The following JHY variants were observed in gnomAD, a reference collection of about 807,000 sequenced individuals.
JHY encodes the protein jhy protein homolog.
Under a neutral mutation model 78.0 loss-of-function variants are expected in JHY, and 69 were observed. The observed-to-expected ratio is 0.88, with a 90% CI of 0.73 to 1.08. JHY has a LOEUF of 1.08. JHY is among the 50% of genes least tolerant of loss of function. The probability of loss-of-function intolerance (pLI) is 0.00; values close to 1 mark genes in which losing one functional copy is unlikely to be tolerated. For synonymous variants in JHY, 368 were observed against 342.6 expected, an observed-to-expected ratio of 1.07 and a Z score of -0.82; for missense variants, 944 against 927.8, an observed-to-expected ratio of 1.02 and a Z score of -0.23.
intron 3 of JHY, among the ~76,000 whole-genome samples, chr11:122,906,808 T>C (rs547947007): frequency 6.6e-5 from 10 of 152,192 alleles, no homozygotes; most frequent in Non-Finnish European, 1.3e-4. Context: ...CTTTTCTTTG[T>C]GCCATGGAGG....
chr11:122,893,612 TA>T (rs1862672276), intron 2 of JHY, among the ~76,000 whole-genome samples: 2 of 152,232 alleles, frequency 1.3e-5, no homozygotes, highest in Admixed American at 6.5e-5. Context: ...AAGAAGATCA[TA>T]ATGAAATGAC....
At chr11:122,889,695 A>G (rs1269381780) in intron 2 of JHY, among the ~76,000 whole-genome samples, 1 of 152,126 alleles carries the variant, frequency 6.6e-6, no homozygotes. Context: ...ATAGTATTCT[A>G]GTATCTGGAG....
chr11:122,895,906 T>C (rs573257678), intron 2 of JHY, among the ~76,000 whole-genome samples: 1 of 152,316 alleles, frequency 6.6e-6, no homozygotes, highest in African/African-American at 2.4e-5. Context: ...TTTGTTCCTG[T>C]GAAGTATTAC....
At chr11:122,921,186 C>A (rs1863356954) in intron 3 of JHY, among the ~76,000 whole-genome samples, 1 of 152,096 alleles carries the variant, frequency 6.6e-6, no homozygotes, top group Admixed American at 6.5e-5. Context: ...TAATGTATAT[C>A]CTACATTTTC....
rs574432087 is a variant in JHY at position 122,935,211 on chromosome 11, T to C, written c.1634+136T>C. ...AGAAGAGTTCACCTAACAACTTCCT[T>C]AGCTCTGATTCCTGCCTCAAAGAGT... On this transcript the variant is annotated intron_variant, in intron 5 of 8. Coordinates refer to ENST00000227349, the MANE Select transcript of JHY (RefSeq NM_024806.4). The surrounding 1 kb of genome is among the most constrained non-coding windows in gnomAD (Gnocchi z 4.5). The C allele has an allele frequency of 7.1e-6, 5 of 706,144 alleles. No individual in the cohort carries two copies. Among genetic ancestry groups the C allele is most frequent in the African/African-American group, 1.8e-5 (1 of 55,244 alleles). 43.7% of individuals were successfully genotyped at this position (706,144 alleles called of 1,614,324 possible).
At chr11:122,901,577 T>TA (rs34669210) in intron 2 of JHY, among the ~76,000 whole-genome samples, 66,117 of 151,852 alleles carry the variant, frequency 0.44, 16,479 homozygotes, top group Middle Eastern at 0.6. Flanking sequence ...TTTTTTCTAT[T>TA]AAAAAATTTT....
chr11:122,897,576 C>T (rs1459223706), intron 2 of JHY, among the ~76,000 whole-genome samples: 1 of 152,222 alleles, frequency 6.6e-6, no homozygotes, highest in African/African-American at 2.4e-5. Context: ...AACTGAAGCA[C>T]AGAAGTTAAA....
intron 3 of JHY, chr11:122,905,680 C>A: frequency 1.3e-6 from 1 of 763,098 alleles, no homozygotes. Flanking sequence ...CCAGCCTGGC[C>A]AACATGGTGA....
intron 2 of JHY, among the ~76,000 whole-genome samples, chr11:122,896,405 G>A (rs994255868): frequency 6.7e-6 from 1 of 149,272 alleles, no homozygotes; most frequent in Non-Finnish European, 1.5e-5. Context: ...TTTTTCAGAA[G>A]GTCTAAAATA....
Position 122,957,386 on chromosome 11 carries a change from G to A in JHY, c.2034G>A (p.Lys678=). ...AGACGCAAAAATTAATACAGCAAAA[G>A]GAATATGCAAAACAAGTCAAGGAGT... ...RDKTQKLIQQ[K]EYAKQVKEYN... Residue 678 remains lysine, a synonymous_variant, in exon 8 of 9, where the codon AAG becomes AAA. Transcript: ENST00000227349. The A allele has an allele frequency of 6.5e-7, 1 of 1,531,736 alleles. No individual in the cohort carries two copies. The highest frequency in any genetic ancestry group is 8.7e-7 in the Non-Finnish European group (1 of 1,152,550). The allele number at this position is 1,531,736 out of a possible 1,614,324, so 94.9% of individuals were successfully genotyped here.
At chr11:122,928,688 G>A (rs1863567761) in intron 4 of JHY, among the ~76,000 whole-genome samples, 1 of 151,950 alleles carries the variant, frequency 6.6e-6, no homozygotes, top group Admixed American at 6.6e-5. Context: ...TCACTCTGTT[G>A]CCCAGGCTGG....
chr11:122,931,806 AG>A (rs1863642591), intron 4 of JHY, among the ~76,000 whole-genome samples: 1 of 152,190 alleles, frequency 6.6e-6, no homozygotes, highest in Admixed American at 6.5e-5. Flanking sequence ...GCCGTAAAAG[AG>A]AAACAACAAG....
chr11:122,943,447 A>G (rs1285559495), intron 5 of JHY, among the ~76,000 whole-genome samples: 1 of 152,304 alleles, frequency 6.6e-6, no homozygotes, highest in Admixed American at 6.5e-5. Flanking sequence ...CTATATACTT[A>G]CATTCTATGT....
chr11:122,945,959 T>C (rs555289013), intron 5 of JHY, among the ~76,000 whole-genome samples: 3 of 152,172 alleles, frequency 2.0e-5, no homozygotes, highest in Non-Finnish European at 4.4e-5. Flanking sequence ...TATAGTCTTC[T>C]TACAACGATC....
rs1467237035 is a variant in JHY, at chr11:122,959,891, A to G, written c.*446A>G. ...TCAGTCATCCATAAATTTTGTGATA[A>G]CATTTCAAAATATTACTAAAATCTC... On this transcript the variant is annotated 3_prime_UTR_variant, in exon 9 of 9. Coordinates refer to ENST00000227349, the MANE Select transcript of JHY (RefSeq NM_024806.4). 1 of 157,802 alleles carries G rather than the reference A, an allele frequency of 6.3e-6. No homozygotes were observed. The highest frequency in any genetic ancestry group is 1.4e-5 in the Non-Finnish European group (1 of 72,180). 9.8% of individuals were successfully genotyped at this position (157,802 alleles called of 1,614,324 possible).
In JHY at chr11:122,960,796, C is replaced by T. The variant is rs116782290; in HGVS notation, c.*1351C>T. 1.5e-5 allele frequency: 8 copies of T among 538,638 alleles called. No homozygotes were observed. Among genetic ancestry groups the T allele is most frequent in the Middle Eastern group, 5.9e-4 (1 of 1,706 alleles). The allele number at this position is 538,638 out of a possible 1,614,324, so 33.4% of individuals were successfully genotyped here. A position where few individuals can be genotyped will look rare whatever the true frequency, so the allele number is the denominator to read the frequency against. On this transcript the variant is annotated 3_prime_UTR_variant, in exon 9 of 9. Coordinates refer to ENST00000227349, the MANE Select transcript of JHY (RefSeq NM_024806.4). Reference sequence around the variant, plus strand: ...CAGGATGCAATTGATTTGGAGAAGTCGCAGCGCTCACTGGTTCAGAAGCGC... The same window carrying T: ...CAGGATGCAATTGATTTGGAGAAGTTGCAGCGCTCACTGGTTCAGAAGCGC...
chr11:122,905,371 G>A, intron 3 of JHY: 1 of 1,507,696 alleles, frequency 6.6e-7, no homozygotes, highest in Non-Finnish European at 8.8e-7. Flanking sequence ...TTTATCACCT[G>A]CTAATGTGAG....
At chr11:122,928,291 G>C (rs1863555488) in intron 4 of JHY, among the ~76,000 whole-genome samples, 1 of 152,114 alleles carries the variant, frequency 6.6e-6, no homozygotes, top group Non-Finnish European at 1.5e-5. Flanking sequence ...CTGGGCAATA[G>C]AGCAAGACCC....
At chr11:122,900,714 G>C (rs1862838030) in intron 2 of JHY, among the ~76,000 whole-genome samples, 1 of 152,014 alleles carries the variant, frequency 6.6e-6, no homozygotes, top group African/African-American at 2.4e-5. Flanking sequence ...TATCGACTGA[G>C]CTTCGTGTGC....
Sources: gnomAD v4.1 joint callset for allele counts (sites outside exome capture counted in the v4.1 genomes callset) on GRCh38, gnomAD v4.1.1 for gene constraint, Gnocchi (gnomAD v3.1) non-coding constraint, MANE v1.5 for transcripts, NCBI Gene and HGNC (gene_info 2026-07-23, HGNC 2026-07-21) for gene names.